The following DZIP1 variants were observed in gnomAD, a reference collection of about 807,000 sequenced individuals.
DZIP1 encodes the protein DAZ interacting zinc finger protein 1, also known as cilium assembly protein DZIP1.
In DZIP1, 97 loss-of-function variants were observed where a neutral mutation model predicts 107.6. The observed-to-expected ratio is 0.90, with a 90% confidence interval of 0.77 to 1.07. The LOEUF is 1.07. Ranked by LOEUF, DZIP1 falls within the 50% of genes least tolerant of loss-of-function variation. DZIP1 has a pLI of 0.00. For missense variants in DZIP1, 1,035 were observed against 1,063.6 expected (o/e 0.97, Z 0.37); for synonymous variants, 390 against 386.4 (o/e 1.01, Z -0.11).
intron 21 of DZIP1, 62 bp from the exon 22 acceptor site, chr13:95,584,972 T>C: frequency 1.4e-6 from 2 of 1,424,978 alleles, no homozygotes; most frequent in Middle Eastern, 1.8e-4. Context: ...CCCTCAATCA[T>C]TTTATTGGTT....
chr13:95,627,648 T>C (rs1438248146), intron 7 of DZIP1, among the ~76,000 whole-genome samples: 1 of 152,144 alleles, frequency 6.6e-6, no homozygotes, highest in East Asian at 1.9e-4. Context: ...ATAACAAGTA[T>C]TGGTGAGGAT....
intron 16 of DZIP1, among the ~76,000 whole-genome samples, chr13:95,591,755 G>A (rs2044318406): frequency 6.6e-6 from 1 of 152,118 alleles, no homozygotes; most frequent in African/African-American, 2.4e-5. Context: ...ACCTAATACT[G>A]TACAAATGTC....
intron 19 of DZIP1, chr13:95,588,170 C>A (rs939290312): frequency 2.0e-5 from 3 of 153,082 alleles, no homozygotes; most frequent in Non-Finnish European, 4.4e-5. Flanking sequence ...TGAATTATTA[C>A]CCCCATTTTA....
At position 95,641,235 on chromosome 13, in the gene DZIP1, ATC is replaced by A. The variant is rs1347545658; in HGVS notation, c.597+58_597+59del. The A allele has an allele frequency of 1.3e-6, 2 of 1,519,338 alleles. No individual in the cohort carries two copies. Among genetic ancestry groups the A allele is most frequent in the African/African-American group, 2.8e-5 (2 of 71,990 alleles). The allele number at this position is 1,519,338 out of a possible 1,614,324, so 94.1% of individuals were successfully genotyped here. ...AAGAGTGGTGATACGGGACAGGCCT[ATC>A]AAATGGGAACTGAGTTGTTTACTGG... is the stretch of plus-strand genomic sequence containing the variant. On this transcript the variant is annotated intron_variant, in intron 5 of 22. Transcript: ENST00000376829. This position sits in a 1 kb window ranked among gnomAD's most constrained non-coding sequence, Gnocchi z 4.3.
rs1167022419 is a variant in DZIP1 at position 95,578,517 on chromosome 13, T to C, written c.*3717A>G. The C allele has an allele frequency of 1.3e-5, 2 of 152,252 alleles. No individual in the cohort carries two copies. The highest frequency in any genetic ancestry group is 4.8e-5 in the African/African-American group (2 of 41,458). The allele number at this position is 152,252 out of a possible 1,614,324, so 9.4% of individuals were successfully genotyped here. On this transcript the variant is annotated 3_prime_UTR_variant, in exon 23 of 23. Transcript: ENST00000376829. Reference sequence around the variant, plus strand: ...TCTAGTTTGTTTTTTTTAAGTATTCTACAACATTTATTTAAAAAGGTAAAT... The same window carrying C: ...TCTAGTTTGTTTTTTTTAAGTATTCCACAACATTTATTTAAAAAGGTAAAT...
At chr13:95,589,411 G>C (rs2044250365) in intron 18 of DZIP1, among the ~76,000 whole-genome samples, 1 of 152,158 alleles carries the variant, frequency 6.6e-6, no homozygotes, top group Non-Finnish European at 1.5e-5. Flanking sequence ...TGGACTCAAT[G>C]TCTGTGTCCC....
At position 95,584,771 on chromosome 13, in the gene DZIP1, C is replaced by T; in HGVS notation, c.2489G>A (p.Trp830Ter). 1 of 1,614,032 alleles carries T rather than the reference C, an allele frequency of 6.2e-7. No homozygotes were observed. ...TGGCCCCTTAGGATTAAATGCGCCC[C>T]AGGCATTTAGCACATGAGCAAAATG... ...EPHFAHVLNA[W>*]GAFNPKGPKG... Residue 830 changes from tryptophan (W) to a stop codon, truncating the protein, a stop_gained, in exon 22 of 23, where the codon TGG (tryptophan) becomes TAG (stop). Transcript: ENST00000376829. LOFTEE classifies it low-confidence loss of function (END_TRUNC).
At chr13:95,594,224 G>A in intron 15 of DZIP1, 138 bp from the exon 16 acceptor site, 1 of 705,856 alleles carries the variant, frequency 1.4e-6, no homozygotes, top group Non-Finnish European at 2.3e-6. Flanking sequence ...GGATATTTTA[G>A]TCACTCAGCA....
Position 95,641,330 on chromosome 13 carries a change from G to A in DZIP1, c.562C>T (p.Gln188Ter). 1 of 1,605,514 alleles carries A rather than the reference G, an allele frequency of 6.2e-7. No homozygotes were observed. Among genetic ancestry groups the A allele is most frequent in the East Asian group, 2.2e-5 (1 of 44,580 alleles). Residue 188 changes from glutamine (Q) to a stop codon, truncating the protein, a stop_gained, in exon 5 of 23, where the codon CAG becomes TAG. Coordinates refer to ENST00000376829, the MANE Select transcript of DZIP1 (RefSeq NM_198968.4). LOFTEE classifies it high-confidence loss of function. The surrounding 1 kb of genome is among the most constrained non-coding windows in gnomAD (Gnocchi z 4.3). ...TTGGCTTTGGCCTCGATCATCAGCTGCTGGGTGGAGATCATCTTCTTCCGG... is the reference window on the plus strand; with the variant it reads ...TTGGCTTTGGCCTCGATCATCAGCTACTGGGTGGAGATCATCTTCTTCCGG... ...KRRKKMISTQ[Q>*]LMIEAKANYY...
chr13:95,622,349 A>T lies in DZIP1; in HGVS notation c.1104T>A (p.Asp368Glu). Residue 368 changes from aspartate (D) to glutamate (E), a missense_variant, in exon 9 of 23, where the codon GAT (aspartate) becomes GAA (glutamate). By Grantham distance (45) the Asp-to-Glu change is conservative. Transcript: ENST00000376829. ...QDFHNVMQLL[D>E]SQESKWTARV... ...GTCACCCACTTGCACGTACCTGACT[A>T]TCAAGAAGCTGCATGACATTATGGA... 6.2e-7 allele frequency: 1 copy of T among 1,614,228 alleles called. No individual in the cohort carries two copies. The highest frequency in any genetic ancestry group is 8.5e-7 in the Non-Finnish European group (1 of 1,180,028).
At chr13:95,590,242 A>C (rs745884784) in intron 17 of DZIP1, 37 bp downstream of exon 17, 2 of 1,518,180 alleles carry the variant, frequency 1.3e-6, no homozygotes, top group Non-Finnish European at 1.8e-6. Context: ...AAAAGTTGTT[A>C]AATTAAGCTC....
At chr13:95,615,450 T>C (rs778813262) in intron 10 of DZIP1, among the ~76,000 whole-genome samples, 2 of 152,220 alleles carry the variant, frequency 1.3e-5, no homozygotes, top group Non-Finnish European at 2.9e-5. Context: ...GTTCAAACCA[T>C]AGATCCAAAA....
intron 18 of DZIP1, 144 bp downstream of exon 18, chr13:95,589,659 C>T (rs2044258705): frequency 9.2e-7 from 1 of 1,089,394 alleles, no homozygotes; most frequent in Non-Finnish European, 1.3e-6. Context: ...CCTGACTATA[C>T]TGGCATCCTG....
At chr13:95,634,950 G>A (rs547555666) in intron 5 of DZIP1, among the ~76,000 whole-genome samples, 1 of 152,040 alleles carries the variant, frequency 6.6e-6, no homozygotes, top group Non-Finnish European at 1.5e-5. Context: ...TGTAACTGAT[G>A]GTTATGTCTC....
chr13:95,624,969 T>C lies in DZIP1; in HGVS notation c.811-40A>G. The stretch of plus-strand genomic sequence containing the variant: ...ATACACATCTTTAAAAGTTCTGGTC[T>C]GAAGAAAATAAGCAATATTTAAAAT... On this transcript the variant is annotated intron_variant, in intron 7 of 22. Transcript: ENST00000376829. 4 of 1,516,004 alleles carry C rather than the reference T, an allele frequency of 2.6e-6. No homozygotes were observed. In the South Asian group the frequency reaches 3.7e-5, roughly 14 times the overall value. 93.9% of individuals were successfully genotyped at this position (1,516,004 alleles called of 1,614,324 possible). A position where few individuals can be genotyped will look rare whatever the true frequency, so the allele number is the denominator to read the frequency against.
intron 5 of DZIP1, among the ~76,000 whole-genome samples, chr13:95,640,245 G>A (rs1048904354): frequency 1.3e-5 from 2 of 151,968 alleles, no homozygotes; most frequent in East Asian, 1.9e-4. Context: ...TGATCCGCCC[G>A]CCTCGGCCTC....
At chr13:95,613,908 G>A (rs1377284562) in intron 10 of DZIP1, among the ~76,000 whole-genome samples, 2 of 152,108 alleles carry the variant, frequency 1.3e-5, no homozygotes, top group Non-Finnish European at 2.9e-5. Context: ...AGGATCACTG[G>A]AGTCCAGGAG....
intron 22 of DZIP1, among the ~76,000 whole-genome samples, chr13:95,582,528 C>A (rs930451781): frequency 6.6e-6 from 1 of 152,150 alleles, no homozygotes; most frequent in African/African-American, 2.4e-5. Flanking sequence ...ACACTCAGGA[C>A]CCTTGGATGC....
At chr13:95,631,260 A>G (rs892901476) in intron 6 of DZIP1, among the ~76,000 whole-genome samples, 1 of 152,138 alleles carries the variant, frequency 6.6e-6, no homozygotes, top group Non-Finnish European at 1.5e-5. Context: ...GTTCGAGACC[A>G]GCCTGGGCAA....
Sources: allele counts gnomAD v4.1 joint callset (sites outside exome capture counted in the v4.1 genomes callset), GRCh38; gene constraint gnomAD v4.1.1; non-coding constraint Gnocchi (gnomAD v3.1); transcripts MANE v1.5; gene names NCBI Gene and HGNC (gene_info 2026-07-23, HGNC 2026-07-21).